UMOD: variants seen among roughly 807,000 people sequenced by gnomAD.
UMOD encodes the protein uromodulin, also known as Tamm-Horsfall urinary glycoprotein.
In UMOD, 64 loss-of-function variants were observed where a neutral mutation model predicts 66.0. The ratio of observed to expected loss-of-function variants is 0.97; its 90% CI spans 0.79 to 1.19. The LOEUF (loss-of-function observed/expected upper bound fraction) is 1.19. Ranked by LOEUF, UMOD falls within the 50% of genes most tolerant of loss-of-function variation. UMOD has a pLI of 0.00. For missense variants in UMOD, 764 were observed against 850.9 expected (o/e 0.90, Z 1.27); for synonymous variants, 398 against 352.7 (o/e 1.13, Z -1.44).
At chr16:20,345,400 TTTTCTTTCTTTC>T (rs797021829) in intron 5 of UMOD, among the ~76,000 whole-genome samples, 15 of 78,040 alleles carry the variant, frequency 1.9e-4, no homozygotes, top group South Asian at 1.2e-3. Flanking sequence ...TTTTCTTTTT[TTTTCTTTCTTTC>T]TTTCTTTCTT....
rs758571189 is a variant in UMOD at position 20,337,386 on chromosome 16, A to G, written c.1645T>C (p.Ser549Pro). The G allele has an allele frequency of 1.2e-6, 2 of 1,614,208 alleles. No homozygotes were observed. The highest frequency in any genetic ancestry group is 4.5e-5 in the East Asian group (2 of 44,878). Residue 549 changes from serine to proline, a missense_variant, in exon 8 of 11, where the codon TCC becomes CCC. By Grantham distance (74) the Ser-to-Pro change is moderately conservative (BLOSUM62 -1). Transcript: ENST00000396138. Reference sequence around the variant, plus strand: ...CCAGCAAACCGGAACATCTGGACGGAAAATCGGCCCTGGGAGGACTCCCCA... The same window carrying G: ...CCAGCAAACCGGAACATCTGGACGGGAAATCGGCCCTGGGAGGACTCCCCA... ...ENGESSQGRF[S>P]VQMFRFAGNY... is the part of the protein sequence containing the mutation.
intron 10 of UMOD, among the ~76,000 whole-genome samples, chr16:20,334,079 T>C (rs1964747103): frequency 1.3e-5 from 2 of 150,438 alleles, no homozygotes; most frequent in South Asian, 4.2e-4. Context: ...AGAACCTCCT[T>C]GGATCCAGGT....
upstream of UMOD, among the ~76,000 whole-genome samples, chr16:20,354,855 C>G (rs1252436970): frequency 6.6e-6 from 1 of 152,170 alleles, no homozygotes; most frequent in Non-Finnish European, 1.5e-5. Flanking sequence ...GACTGCAAAT[C>G]AATCAATCCA....
rs78691203 is a variant in UMOD, at chr16:20,348,461, G to A, written c.840C>T (p.Pro280=). 5,846 of 1,613,124 alleles carry A rather than the reference G, an allele frequency of 3.6e-3. 130 individuals carry two copies. In the African/African-American group the frequency reaches 0.058, roughly 16 times the overall value. Residue 280 remains proline, a synonymous_variant, in exon 3 of 11, where the codon CCC becomes CCT. Coordinates refer to ENST00000396138, the MANE Select transcript of UMOD (RefSeq NM_003361.4). The part of the protein sequence containing the change: ...GYYVYNLTAP[P]ECHLAYCTDP... ...CTGTGCAGTACGCCAGGTGACACTC[G>A]GGGGGCGCTGTCAGGTTGTAGACGT... is the stretch of plus-strand genomic sequence containing the variant.
intron 6 of UMOD, chr16:20,342,391 A>G (rs1207977378): frequency 3.3e-5 from 5 of 152,292 alleles, no homozygotes; most frequent in Admixed American, 3.3e-4. Flanking sequence ...ATGTGGGCAC[A>G]CTTGTTGTTC....
At chr16:20,349,638 A>G (rs1052012668) in intron 2 of UMOD, 87 of 1,433,992 alleles carry the variant, frequency 6.1e-5, no homozygotes, top group Non-Finnish European at 7.9e-5. Flanking sequence ...TTTTGTGTTA[A>G]GCATTGCTTT....
chr16:20,349,950 T>G, intron 2 of UMOD: 1 of 1,429,746 alleles, frequency 7.0e-7, no homozygotes, highest in Non-Finnish European at 9.3e-7. Context: ...CAATAGGATG[T>G]GCACTTTTCA....
rs770836612 is a variant in UMOD at position 20,341,254 on chromosome 16, A to G, written c.1414T>C (p.Tyr472His). Residue 472 changes from tyrosine to histidine, a missense_variant, in exon 7 of 11, where the codon TAC (tyrosine) becomes CAC (histidine). Transcript: ENST00000396138. Reference sequence around the variant, plus strand: ...GACAGTGTCACGGAGGAGCCTTGGTAGGGCTGCGTGTAGGAAGGGGTCTGG... The same window carrying G: ...GACAGTGTCACGGAGGAGCCTTGGTGGGGCTGCGTGTAGGAAGGGGTCTGG... ...LFQTPSYTQP[Y>H]QGSSVTLSTE... The G allele has an allele frequency of 5.6e-6, 9 of 1,614,070 alleles. No individual in the cohort carries two copies. Among genetic ancestry groups the G allele is most frequent in the South Asian group, 3.3e-5 (3 of 91,082 alleles).
In UMOD at chr16:20,350,633, AC is replaced by A. The variant is rs752052967; in HGVS notation, c.88+16del. 86 of 1,613,970 alleles carry A rather than the reference AC, an allele frequency of 5.3e-5. No homozygotes were observed. Among genetic ancestry groups the A allele is most frequent in the Non-Finnish European group, 7.1e-5 (84 of 1,180,008 alleles). On this transcript the variant is annotated intron_variant, in intron 2 of 10. Transcript: ENST00000396138. ...GTGCATACACACATATACAACGCAC[AC>A]ACACTTTTCACTTACTTGCTTCTGA...
intron 7 of UMOD, among the ~76,000 whole-genome samples, chr16:20,340,721 G>T (rs574438003): frequency 6.6e-6 from 1 of 151,850 alleles, no homozygotes; most frequent in South Asian, 2.1e-4. Context: ...TCAGCCAGGC[G>T]TGGTGGCTCA....
Position 20,336,702 on chromosome 16 carries a change from C to G in UMOD, c.1766G>C (p.Ser589Thr). ...KPTCSGTRFR[S>T]GSVIDQSRVL... The stretch of plus-strand genomic sequence containing the variant: ...ACGGGATTGATCTATGACACTCCCA[C>G]TTCGGAATCTGGTCCCAGAGCAGGT... The change falls in exon 9 of 11, where the codon AGT becomes ACT. Residue 589 changes from serine (S) to threonine (T), a missense_variant. Ser to Thr is a moderately conservative substitution (Grantham distance 58, BLOSUM62 1). Transcript: ENST00000396138. 1 of 1,614,166 alleles carries G rather than the reference C, an allele frequency of 6.2e-7. No homozygotes were observed. The highest frequency in any genetic ancestry group is 8.5e-7 in the Non-Finnish European group (1 of 1,180,006).
Position 20,348,286 on chromosome 16 carries a change from C to T in UMOD, c.910G>A (p.Glu304Lys), listed in dbSNP as rs747139798. The part of the protein sequence containing the change: ...EGTCEECSID[E>K]DCKSNNGRWH... Reference sequence around the variant, plus strand: ...CTGCCATTATTCGATTTGCAGTCCTCGTCTATACTGCACTCCTCACACGTC... The same window carrying T: ...CTGCCATTATTCGATTTGCAGTCCTTGTCTATACTGCACTCCTCACACGTC... The change falls in exon 4 of 11, where the codon GAG (glutamate) becomes AAG (lysine). Residue 304 changes from glutamate to lysine, a missense_variant. Coordinates refer to ENST00000396138, the MANE Select transcript of UMOD (RefSeq NM_003361.4). 1.2e-6 allele frequency: 2 copies of T among 1,614,238 alleles called. No individual in the cohort carries two copies. Among genetic ancestry groups the T allele is most frequent in the Non-Finnish European group, 1.7e-6 (2 of 1,180,052 alleles).
rs560216745 is a variant in UMOD at position 20,340,991 on chromosome 16, C to CA, written c.1577+99dup. ...CCTTGGCGACAGAGCAAGACTCTGT[C>CA]AAAAAAAAAAAAAAAAAAGATGCAA... On this transcript the variant is annotated intron_variant, in intron 7 of 10. Transcript: ENST00000396138. The CA allele has an allele frequency of 0.042, 42,961 of 1,025,284 alleles. 66 individuals are homozygous for CA. The highest frequency in any genetic ancestry group is 0.078 in the African/African-American group (3,196 of 41,178). The allele number at this position is 1,025,284 out of a possible 1,614,324, so 63.5% of individuals were successfully genotyped here.
Position 20,346,265 on chromosome 16 carries a change from T to C in UMOD, c.1043A>G (p.Gln348Arg). 1.9e-6 allele frequency: 3 copies of C among 1,614,276 alleles called. No individual in the cohort carries two copies. The highest frequency in any genetic ancestry group is 2.5e-6 in the Non-Finnish European group (3 of 1,180,054). ...CTTGTCGAAGCCCAGACTCTTCAGC[T>C]GGCACTTGCCCAGCGACACCTTCAT... ...NDMKVSLGKC[Q>R]LKSLGFDKVF... is the part of the protein sequence containing the mutation. The change falls in exon 5 of 11, where the codon CAG (glutamine) becomes CGG (arginine). Residue 348 changes from glutamine to arginine, a missense_variant. Gln to Arg is a conservative substitution (Grantham distance 43). Transcript: ENST00000396138.
chr16:20,338,396 C>A (rs148412868), intron 7 of UMOD, among the ~76,000 whole-genome samples: 2 of 152,320 alleles, frequency 1.3e-5, no homozygotes, highest in East Asian at 3.9e-4. Context: ...CACCCCAGCT[C>A]CCACACTCAC....
At chr16:20,346,756 C>G (rs1035279197) in intron 4 of UMOD, among the ~76,000 whole-genome samples, 3 of 152,038 alleles carry the variant, frequency 2.0e-5, no homozygotes, top group Non-Finnish European at 2.9e-5. Flanking sequence ...AATGAGAATA[C>G]GCATCTCCCA....
At chr16:20,335,733 C>G (rs539473979) in intron 9 of UMOD, among the ~76,000 whole-genome samples, 2 of 152,306 alleles carry the variant, frequency 1.3e-5, no homozygotes, top group South Asian at 4.1e-4. Flanking sequence ...AACTGCAAGG[C>G]TCCACAAGGT....
intron 7 of UMOD, 50 bp from the exon 8 acceptor site, chr16:20,337,503 G>A (rs762920831): frequency 5.6e-6 from 9 of 1,611,184 alleles, no homozygotes; most frequent in East Asian, 2.2e-5. Flanking sequence ...AAAGATTCTG[G>A]AGTCAGACTT....
rs1965696937 is a variant in UMOD, at chr16:20,348,301, C to T, written c.895G>A (p.Glu299Lys). ...DPSSVEGTCE[E>K]CSIDEDCKSN... is the part of the protein sequence containing the mutation. ...TTGCAGTCCTCGTCTATACTGCACT[C>T]CTCACACGTCCCCTCCACGGAGCTG... is the stretch of plus-strand genomic sequence containing the variant. The change falls in exon 4 of 11, where the codon GAG becomes AAG. Residue 299 changes from glutamate (E) to lysine (K), a missense_variant. By Grantham distance (56) the Glu-to-Lys change is moderately conservative (BLOSUM62 1). Transcript: ENST00000396138. 6.2e-7 allele frequency: 1 copy of T among 1,614,260 alleles called. No homozygotes were observed. The highest frequency in any genetic ancestry group is 8.5e-7 in the Non-Finnish European group (1 of 1,180,048).
Sources: allele counts gnomAD v4.1 joint callset (sites outside exome capture counted in the v4.1 genomes callset), GRCh38; gene constraint gnomAD v4.1.1; transcripts MANE v1.5; gene names NCBI Gene and HGNC (gene_info 2026-07-23, HGNC 2026-07-21).